PTPRG: variants seen among roughly 807,000 people sequenced by gnomAD.
PTPRG encodes receptor-type tyrosine-protein phosphatase gamma.
A neutral mutation model predicts 165.3 loss-of-function variants in PTPRG; 102 were observed. The observed-to-expected ratio is 0.62, with a 90% CI of 0.53 to 0.73. The LOEUF (loss-of-function observed/expected upper bound fraction) is 0.73, where lower values mean the gene tolerates loss of function less well. Among genes scored for constraint, PTPRG ranks in the 30% least tolerant of loss-of-function variants. PTPRG has a pLI of 0.00. For missense variants in PTPRG, 1,866 were observed against 1,861.4 expected, an observed-to-expected ratio of 1.00 and a Z score of -0.05; for synonymous variants, 675 against 669.5, an observed-to-expected ratio of 1.01 and a Z score of -0.13.
chr3:61,795,145 G>T (rs1480062740), intron 2 of PTPRG, among the ~76,000 whole-genome samples: 6 of 152,176 alleles, frequency 3.9e-5, no homozygotes, highest in Non-Finnish European at 7.3e-5. Flanking sequence ...GGGAACTGAG[G>T]CTTAGAATAA....
At chr3:61,919,085 T>C (rs1181786242) in intron 2 of PTPRG, among the ~76,000 whole-genome samples, 1 of 152,202 alleles carries the variant, frequency 6.6e-6, no homozygotes, top group African/African-American at 2.4e-5. Context: ...AGTCGGGGCA[T>C]TGATGCTTGT....
chr3:61,983,295 A>G (rs978936707), intron 2 of PTPRG, among the ~76,000 whole-genome samples: 2 of 152,156 alleles, frequency 1.3e-5, no homozygotes, highest in Non-Finnish European at 2.9e-5. Context: ...AAACCTGTGT[A>G]TTCGATTTCG....
rs1700157925 is a variant in PTPRG, at chr3:62,203,882, C to A, written c.2087C>A (p.Pro696Gln). ...AGSDPKRPEM[P>Q]SKKPMSRGDR... ...AGTGATCCCAAGAGGCCCGAAATGC[C>A]ATCTAAAAAGCCTATGTCCCGCGGG... is the stretch of plus-strand genomic sequence containing the variant. The change falls in exon 12 of 30, where the codon CCA (proline) becomes CAA (glutamine). Residue 696 changes from proline (P) to glutamine (Q), a missense_variant. Transcript: ENST00000474889. The surrounding 1 kb of genome is among the most constrained non-coding windows in gnomAD (Gnocchi z 6.4). 1 of 1,613,174 alleles carries A rather than the reference C, an allele frequency of 6.2e-7. No homozygotes were observed. The highest frequency in any genetic ancestry group is 8.5e-7 in the Non-Finnish European group (1 of 1,179,612).
At chr3:61,844,332 C>G (rs1265915443) in intron 2 of PTPRG, among the ~76,000 whole-genome samples, 1 of 152,092 alleles carries the variant, frequency 6.6e-6, no homozygotes, top group Non-Finnish European at 1.5e-5. Context: ...ATTAGCCTTG[C>G]TAGATAAAAT....
intron 1 of PTPRG, among the ~76,000 whole-genome samples, chr3:61,600,896 A>G (rs17065055): frequency 0.088 from 13,433 of 152,256 alleles, 706 homozygotes; most frequent in East Asian, 0.22. Flanking sequence ...TGCCTTTAGA[A>G]GTGGAACCTG....
chr3:61,800,673 T>G (rs199652144), intron 2 of PTPRG, among the ~76,000 whole-genome samples: 31 of 151,234 alleles, frequency 2.0e-4, no homozygotes, highest in East Asian at 5.9e-4. Context: ...TTTTTTTTTT[T>G]GTTCTTGTTG....
chr3:62,272,259 A>G (rs1427277387), intron 21 of PTPRG, among the ~76,000 whole-genome samples: 1 of 152,204 alleles, frequency 6.6e-6, no homozygotes, highest in Non-Finnish European at 1.5e-5. Context: ...CTAAATAACA[A>G]TATTTATAGT....
chr3:62,007,574 C>T (rs181787052), intron 4 of PTPRG, among the ~76,000 whole-genome samples: 3 of 152,354 alleles, frequency 2.0e-5, no homozygotes, highest in Non-Finnish European at 4.4e-5. Flanking sequence ...TGAGTATCTT[C>T]TGTTGTACCT....
At chr3:62,138,543 T>A (rs112532926) in intron 6 of PTPRG, among the ~76,000 whole-genome samples, 23,478 of 151,664 alleles carry the variant, frequency 0.15, 2,083 homozygotes, top group East Asian at 0.37. Flanking sequence ...ACATGGTGAA[T>A]CTCCATCTCT....
In PTPRG at chr3:62,210,479, T is replaced by C. The variant is rs1700333234; in HGVS notation, c.2155+6529T>C. Among the ~76,000 whole-genome samples the C allele has an allele frequency of 6.6e-6, 1 of 152,208 alleles. No homozygotes were observed. Among genetic ancestry groups the C allele is most frequent in the East Asian group, 1.9e-4 (1 of 5,200 alleles). On this transcript the variant is annotated intron_variant, in intron 12 of 29. Transcript: ENST00000474889. The surrounding 1 kb of genome is among the most constrained non-coding windows in gnomAD (Gnocchi z 4.1). The stretch of plus-strand genomic sequence containing the variant: ...CCTTTGTGCACTGCTAGTGGGAATG[T>C]AAAATGTGCAGCCCCTGTGGAAAAT...
intron 5 of PTPRG, among the ~76,000 whole-genome samples, chr3:62,125,105 G>A (rs1325663213): frequency 6.6e-6 from 1 of 151,852 alleles, no homozygotes; most frequent in African/African-American, 2.4e-5. Flanking sequence ...TTGTCCCCCT[G>A]TCACCTTTTT....
At chr3:61,662,425 A>G (rs1302279156) in intron 1 of PTPRG, among the ~76,000 whole-genome samples, 1 of 152,214 alleles carries the variant, frequency 6.6e-6, no homozygotes, top group Non-Finnish European at 1.5e-5. Context: ...CCTCTATCCC[A>G]GATTAAATAT....
chr3:61,772,712 T>G (rs913835377), intron 2 of PTPRG, among the ~76,000 whole-genome samples: 2 of 152,096 alleles, frequency 1.3e-5, no homozygotes, highest in South Asian at 4.1e-4. Flanking sequence ...AGACCATATG[T>G]TATTCAAACA....
intron 1 of PTPRG, among the ~76,000 whole-genome samples, chr3:61,702,532 C>T (rs1044027092): frequency 6.6e-6 from 1 of 152,208 alleles, no homozygotes; most frequent in Non-Finnish European, 1.5e-5. Flanking sequence ...CACGTGTACA[C>T]ACACACACAG....
chr3:61,940,182 G>A (rs1436073568), intron 2 of PTPRG, among the ~76,000 whole-genome samples: 4 of 152,008 alleles, frequency 2.6e-5, no homozygotes, highest in Admixed American at 2.0e-4. Context: ...CCTGACGTCA[G>A]GTGATCCACC....
chr3:61,890,487 C>T (rs1472317983), intron 2 of PTPRG, among the ~76,000 whole-genome samples: 2 of 147,928 alleles, frequency 1.4e-5, no homozygotes, highest in South Asian at 4.2e-4. Context: ...TCAGTAACTC[C>T]ATAGTCTTTG....
intron 1 of PTPRG, among the ~76,000 whole-genome samples, chr3:61,665,820 C>A (rs116618207): frequency 0.011 from 1,716 of 151,944 alleles, 28 homozygotes; most frequent in African/African-American, 0.039. Flanking sequence ...AGAATGATAC[C>A]CCATTTCTTA....
chr3:62,282,651 G>C (rs374930906), intron 27 of PTPRG, 76 bp from the exon 28 acceptor site: 4 of 1,457,154 alleles, frequency 2.7e-6, no homozygotes, highest in East Asian at 2.5e-5. Context: ...GGCTTTCTCA[G>C]GAGCAAGTTC....
intron 1 of PTPRG, among the ~76,000 whole-genome samples, chr3:61,635,069 C>A: frequency 6.6e-6 from 1 of 152,076 alleles, no homozygotes; most frequent in Non-Finnish European, 1.5e-5. Flanking sequence ...AAAGCTGAGA[C>A]CTTGTTAAAT....
Sources: allele counts gnomAD v4.1 joint callset (sites outside exome capture counted in the v4.1 genomes callset), GRCh38; gene constraint gnomAD v4.1.1; non-coding constraint Gnocchi (gnomAD v3.1); transcripts MANE v1.5; gene names NCBI Gene and HGNC (gene_info 2026-07-23, HGNC 2026-07-21).